Variants in TNIK observed in about 807,000 individuals in gnomAD.
TNIK encodes the protein TRAF2 and NCK interacting kinase.
In TNIK, 49 loss-of-function variants were observed where a neutral mutation model predicts 191.3. The observed-to-expected ratio is 0.26, with a 90% CI of 0.20 to 0.32. The LOEUF is 0.32. TNIK is among the 10% of genes least tolerant of loss of function. The pLI is 1.00. For synonymous variants in TNIK, 594 were observed against 600.9 expected (o/e 0.99, Z 0.17); for missense variants, 1,155 against 1,702.3 (o/e 0.68, Z 5.66).
intron 12 of TNIK, among the ~76,000 whole-genome samples, chr3:171,152,769 GTTTTTTGT>G (rs1389386991): frequency 0.048 from 4,223 of 88,828 alleles, 179 homozygotes; most frequent in African/African-American, 0.2. Context: ...TTTGTTTTTT[GTTTTTTGT>G]TTTTTTTTTT....
chr3:171,291,786 T>C (rs1751708733), intron 2 of TNIK, among the ~76,000 whole-genome samples: 1 of 152,202 alleles, frequency 6.6e-6, no homozygotes, highest in Non-Finnish European at 1.5e-5. Flanking sequence ...CTCATTCAAT[T>C]TGGAAAAATT....
chr3:171,091,123 C>T (rs139818564), intron 23 of TNIK, among the ~76,000 whole-genome samples: 8 of 152,166 alleles, frequency 5.3e-5, no homozygotes, highest in Admixed American at 1.3e-4. Flanking sequence ...TGGGGTGCCT[C>T]GGTTAAACAT....
rs373039796 is a variant in TNIK at position 171,224,467 on chromosome 3, CA to C, written c.180+3697del. ...AAATGGGGATTATTTACAGGGTTATCAAAAAAAAAACCCCACAAAAAACCAT... is the reference window on the plus strand; with the variant it reads ...AAATGGGGATTATTTACAGGGTTATCAAAAAAAAACCCCACAAAAAACCAT... On this transcript the variant is annotated intron_variant, in intron 3 of 32. Transcript: ENST00000436636. Among the ~76,000 whole-genome samples the C allele has an allele frequency of 3.8e-3, 551 of 146,594 alleles. 1 individual carries two copies. The highest frequency in any genetic ancestry group is 0.012 in the African/African-American group (496 of 40,100).
At chr3:171,227,768 G>A (rs1036870884) in intron 3 of TNIK, among the ~76,000 whole-genome samples, 27 of 152,054 alleles carry the variant, frequency 1.8e-4, no homozygotes, top group African/African-American at 6.5e-4. Flanking sequence ...TATAGAGATG[G>A]TCCCTCATTT....
chr3:171,300,319 GA>G (rs1228948322), intron 2 of TNIK, among the ~76,000 whole-genome samples: 1 of 152,208 alleles, frequency 6.6e-6, no homozygotes, highest in African/African-American at 2.4e-5. Context: ...GGGCCAGGAA[GA>G]ACAGGAGTAT....
In TNIK at chr3:171,229,169, C is replaced by T. The variant is rs139294640; in HGVS notation, c.124-948G>A. Among the ~76,000 whole-genome samples, 7 of 152,198 alleles carry T rather than the reference C, an allele frequency of 4.6e-5. No individual in the cohort carries two copies. The East Asian group carries it at 1.3e-3, about 29-fold the overall frequency. On this transcript the variant is annotated intron_variant, in intron 2 of 32. Coordinates refer to ENST00000436636, the MANE Select transcript of TNIK (RefSeq NM_015028.4). ...CTAATGCATAGAATTGTAGTGAGAA[C>T]GATATGAGATCATGTATACAAAGTA...
At chr3:171,418,191 T>A (rs1723328959) in intron 1 of TNIK, among the ~76,000 whole-genome samples, 1 of 152,162 alleles carries the variant, frequency 6.6e-6, no homozygotes, top group Non-Finnish European at 1.5e-5. Context: ...AGGGGAAACA[T>A]AATTATCAAA....
intron 2 of TNIK, among the ~76,000 whole-genome samples, chr3:171,247,934 T>A (rs996324073): frequency 1.3e-5 from 2 of 152,146 alleles, no homozygotes; most frequent in African/African-American, 4.8e-5. Context: ...AGAAAAAAGT[T>A]GCTTGGTCTG....
intron 2 of TNIK, among the ~76,000 whole-genome samples, chr3:171,315,088 C>T (rs1413084418): frequency 6.6e-6 from 1 of 152,116 alleles, no homozygotes; most frequent in African/African-American, 2.4e-5. Context: ...GAGGGAAAAA[C>T]ACGAATTGCC....
intron 1 of TNIK, among the ~76,000 whole-genome samples, chr3:171,435,851 A>C (rs1166624558): frequency 1.3e-5 from 2 of 152,196 alleles, no homozygotes; most frequent in Non-Finnish European, 2.9e-5. Context: ...CCAGATCCTA[A>C]GCCAGAAAAA....
Position 171,344,473 on chromosome 3 carries a change from T to TA in TNIK, c.123+25146dup, listed in dbSNP as rs796440755. Among the ~76,000 whole-genome samples the TA allele has an allele frequency of 5.5e-4, 84 of 152,306 alleles. 1 individual carries two copies. The highest frequency in any genetic ancestry group is 1.9e-3 in the African/African-American group (80 of 41,568). ...CCTTTTTCTCCTAATGCAGTGTTTTTATGGGACAGATATGTTATGGTCATT... is the reference window on the plus strand; with the variant it reads ...CCTTTTTCTCCTAATGCAGTGTTTTTAATGGGACAGATATGTTATGGTCATT... On this transcript the variant is annotated intron_variant, in intron 2 of 32. Transcript: ENST00000436636.
At chr3:171,082,544 G>A (rs891217644) in intron 26 of TNIK, 150 bp from the exon 27 acceptor site, 3 of 859,664 alleles carry the variant, frequency 3.5e-6, no homozygotes, top group South Asian at 4.7e-5. Context: ...TAGAAGCTCT[G>A]ACATAATAAT....
intron 2 of TNIK, among the ~76,000 whole-genome samples, chr3:171,343,202 A>C (rs994276542): frequency 3.3e-5 from 5 of 152,144 alleles, no homozygotes; most frequent in Non-Finnish European, 7.4e-5. Flanking sequence ...CAGCATGGAG[A>C]GGGGTGAGCC....
intron 1 of TNIK, among the ~76,000 whole-genome samples, chr3:171,391,002 C>T (rs149906375): frequency 0.016 from 2,477 of 152,304 alleles, 29 homozygotes; most frequent in Non-Finnish European, 0.02. Flanking sequence ...AGTGTATATT[C>T]ACCTCCATTT....
At chr3:171,443,230 C>A (rs1415689641) in intron 1 of TNIK, among the ~76,000 whole-genome samples, 2 of 152,204 alleles carry the variant, frequency 1.3e-5, no homozygotes, top group East Asian at 3.8e-4. Context: ...AGCAACAGAA[C>A]CACCTGGTTC....
intron 21 of TNIK, chr3:171,106,590 A>T: frequency 2.1e-6 from 1 of 486,852 alleles, no homozygotes; most frequent in Non-Finnish European, 4.3e-6. Flanking sequence ...TAAGGCAGTC[A>T]TCCTTCTTAG....
rs144650783 is a variant in TNIK at position 171,138,429 on chromosome 3, G to T, written c.1420-50C>A. 2.1e-5 allele frequency: 31 copies of T among 1,453,542 alleles called. No homozygotes were observed. In the East Asian group the frequency reaches 7.4e-4, roughly 35 times the overall value. 90.0% of individuals were successfully genotyped at this position (1,453,542 alleles called of 1,614,324 possible). On this transcript the variant is annotated intron_variant, in intron 14 of 32. Coordinates refer to ENST00000436636, the MANE Select transcript of TNIK (RefSeq NM_015028.4). Reference sequence around the variant, plus strand: ...AAAGAAAAGGCCAAATTATCACATAGAAATCATCGGCCAGTACCAGATAAG... The same window carrying T: ...AAAGAAAAGGCCAAATTATCACATATAAATCATCGGCCAGTACCAGATAAG...
At chr3:171,369,415 A>G (rs985539671) in intron 2 of TNIK, among the ~76,000 whole-genome samples, 1 of 152,208 alleles carries the variant, frequency 6.6e-6, no homozygotes, top group African/African-American at 2.4e-5. Context: ...GTAATATATA[A>G]TGAAGGGAAA....
At chr3:171,220,992 A>G (rs1742246066) in intron 3 of TNIK, among the ~76,000 whole-genome samples, 1 of 152,138 alleles carries the variant, frequency 6.6e-6, no homozygotes, top group Admixed American at 6.6e-5. Flanking sequence ...AGCCACCAAA[A>G]GGGTCTAATC....
Sources: allele counts gnomAD v4.1 joint callset (sites outside exome capture counted in the v4.1 genomes callset), GRCh38; gene constraint gnomAD v4.1.1; transcripts MANE v1.5; gene names NCBI Gene and HGNC (gene_info 2026-07-23, HGNC 2026-07-21).